Variants in USP30 observed in about 807,000 individuals in gnomAD.
USP30 encodes the protein ubiquitin specific peptidase 30, also known as ubiquitin carboxyl-terminal hydrolase 30.
USP30 carries 41 observed loss-of-function variants against 68.2 expected under a neutral mutation model. The ratio of observed to expected loss-of-function variants is 0.60; its 90% confidence interval spans 0.47 to 0.78. The LOEUF is 0.78. Ranked by LOEUF, USP30 falls within the 30% of genes least tolerant of loss-of-function variation. USP30 has a pLI of 0.00. For synonymous variants in USP30, 229 were observed against 253.7 expected (o/e 0.90, Z 0.93); for missense variants, 522 against 649.4 (o/e 0.80, Z 2.13).
upstream of USP30, chr12:109,052,476 G>C (rs2040690154): frequency 2.2e-6 from 1 of 444,666 alleles, no homozygotes; most frequent in Non-Finnish European, 3.9e-6. Flanking sequence ...GGAAAAGAAA[G>C]AAAGGACGTG....
At chr12:109,059,779 G>C (rs1227793628) in intron 3 of USP30, among the ~76,000 whole-genome samples, 1 of 152,154 alleles carries the variant, frequency 6.6e-6, no homozygotes, top group African/African-American at 2.4e-5. Context: ...CAAAGTGCTG[G>C]GATTACAGGC....
chr12:109,042,641 A>G (rs531567450), intron 3 of USP30, among the ~76,000 whole-genome samples: 1 of 152,338 alleles, frequency 6.6e-6, no homozygotes, highest in Admixed American at 6.5e-5. Context: ...GTTACAGAAC[A>G]TTATACTCAA....
At chr12:109,055,400 ATTTTT>A (rs869090869) in intron 1 of USP30, among the ~76,000 whole-genome samples, 3 of 24,472 alleles carry the variant, frequency 1.2e-4, no homozygotes, top group African/African-American at 3.3e-4. Flanking sequence ...ATATATATAT[ATTTTT>A]TTTTTTTTTT....
chr12:109,046,694 G>A (rs940995974), intron 3 of USP30, among the ~76,000 whole-genome samples: 1 of 151,800 alleles, frequency 6.6e-6, no homozygotes, highest in Non-Finnish European at 1.5e-5. Flanking sequence ...TTTTGTTGTT[G>A]TTGCTGCTGT....
At chr12:109,074,334 T>C (rs1461097907) in intron 7 of USP30, among the ~76,000 whole-genome samples, 1 of 152,240 alleles carries the variant, frequency 6.6e-6, no homozygotes, top group East Asian at 1.9e-4. Flanking sequence ...GCTGTGAACA[T>C]TTACATACAA....
At position 109,034,577 on chromosome 12, in the gene USP30, A is replaced by G. The variant is rs115078790; in HGVS notation, c.-136+7021A>G. Among the ~76,000 whole-genome samples the G allele has an allele frequency of 2.6e-3, 397 of 152,248 alleles. 1 individual carries two copies. The highest frequency in any genetic ancestry group is 9.2e-3 in the African/African-American group (383 of 41,552). Reference sequence around the variant, plus strand: ...CCCCCATCTCTATTAAAAAAGAAAGAAAGAGAGAAAATGCATTCTGCTGCT... The same window carrying G: ...CCCCCATCTCTATTAAAAAAGAAAGGAAGAGAGAAAATGCATTCTGCTGCT... On this transcript the variant is annotated intron_variant, in intron 3 of 15. Coordinates refer to the USP30 transcript ENST00000392784.
intron 3 of USP30, among the ~76,000 whole-genome samples, chr12:109,045,591 C>A (rs751274535): frequency 2.6e-5 from 4 of 152,320 alleles, no homozygotes; most frequent in Non-Finnish European, 4.4e-5. Flanking sequence ...AGTCAATTCA[C>A]TTCTCCGGGC....
chr12:109,046,260 C>A (rs1302799341), intron 3 of USP30, among the ~76,000 whole-genome samples: 1 of 151,810 alleles, frequency 6.6e-6, no homozygotes, highest in Non-Finnish European at 1.5e-5. Flanking sequence ...TGCCACCACA[C>A]CTGGCTAATT....
intron 1 of USP30, among the ~76,000 whole-genome samples, chr12:109,053,153 C>A (rs1230737105): frequency 1.3e-5 from 2 of 152,134 alleles, no homozygotes; most frequent in African/African-American, 4.8e-5. Context: ...CCAATCATAT[C>A]AGTTTCTGGA....
chr12:109,080,145 G>A (rs1001395498), intron 7 of USP30, among the ~76,000 whole-genome samples: 8 of 152,196 alleles, frequency 5.3e-5, no homozygotes, highest in African/African-American at 1.9e-4. Flanking sequence ...GATCAGCCCT[G>A]GAATTGAACA....
chr12:109,056,376 A>G (rs1190176016), intron 1 of USP30, among the ~76,000 whole-genome samples: 4 of 152,082 alleles, frequency 2.6e-5, no homozygotes, highest in Admixed American at 6.6e-5. Flanking sequence ...TGTTTTTAGT[A>G]GAGACAGGGT....
At chr12:109,079,339 CTTTTTTTTTTTCTT>C (rs547354730) in intron 7 of USP30, among the ~76,000 whole-genome samples, 800 of 61,870 alleles carry the variant, frequency 0.013, 14 homozygotes, top group African/African-American at 0.051. Context: ...TTTTCTTTTT[CTTTTTTTTTTTCTT>C]TTTTTTTTTT....
chr12:109,055,704 ATAT>A (rs1259688656), intron 1 of USP30, among the ~76,000 whole-genome samples: 2 of 150,834 alleles, frequency 1.3e-5, no homozygotes, highest in Non-Finnish European at 1.5e-5. Flanking sequence ...GCCTCAATAA[ATAT>A]TATTGAGAAC....
At chr12:109,046,305 G>A (rs1044784801) in intron 3 of USP30, among the ~76,000 whole-genome samples, 9 of 151,634 alleles carry the variant, frequency 5.9e-5, no homozygotes, top group Non-Finnish European at 1.0e-4. Context: ...AGTAGAGACA[G>A]CGTTTCACCA....
At chr12:109,076,117 A>G (rs2041595518) in intron 7 of USP30, among the ~76,000 whole-genome samples, 1 of 152,088 alleles carries the variant, frequency 6.6e-6, no homozygotes, top group Non-Finnish European at 1.5e-5. Context: ...ATGTTAAGGA[A>G]CTGTAATCTA....
At chr12:109,054,472 G>A (rs2040777192) in intron 1 of USP30, among the ~76,000 whole-genome samples, 1 of 151,626 alleles carries the variant, frequency 6.6e-6, no homozygotes, top group Non-Finnish European at 1.5e-5. Context: ...GTTGAGCTGA[G>A]ATGGCACCAC....
upstream of USP30, among the ~76,000 whole-genome samples, chr12:109,050,495 T>C (rs1256080066): frequency 6.6e-6 from 1 of 152,160 alleles, no homozygotes; most frequent in African/African-American, 2.4e-5. Context: ...TTTTGTTTTG[T>C]TTCTGTAGTT....
rs1364922463 is a variant in USP30 at position 109,061,531 on chromosome 12, C to G, written c.376+3423C>G. ...CCAAAACAATCCTCCATTTCCATTT[C>G]CCAGGTAGCTGGGACTACAGGCACA... On this transcript the variant is annotated intron_variant, in intron 3 of 12. Coordinates refer to ENST00000257548, the MANE Select transcript of USP30 (RefSeq NM_032663.5). 3.9e-5 allele frequency among the ~76,000 whole-genome samples: 6 copies of G among 152,038 alleles called. 1 individual carries two copies. Among genetic ancestry groups the G allele is most frequent in the Admixed American group, 3.9e-4 (6 of 15,264 alleles).
At chr12:109,056,081 T>C (rs1348185900) in intron 1 of USP30, among the ~76,000 whole-genome samples, 1 of 152,176 alleles carries the variant, frequency 6.6e-6, no homozygotes, top group Non-Finnish European at 1.5e-5. Context: ...TAACGTTCCA[T>C]GTGGAAGTGG....
Sources: allele counts gnomAD v4.1 joint callset (sites outside exome capture counted in the v4.1 genomes callset), GRCh38; gene constraint gnomAD v4.1.1; transcripts MANE v1.5; gene names NCBI Gene and HGNC (gene_info 2026-07-23, HGNC 2026-07-21).